ARHGEF12: variants seen among roughly 807,000 people sequenced by gnomAD.
ARHGEF12 encodes KMT2A/ARHGEF12 fusion protein.
In ARHGEF12, 66 loss-of-function variants were observed where a neutral mutation model predicts 211.2. The ratio of observed to expected loss-of-function variants is 0.31; its 90% CI spans 0.26 to 0.38. The LOEUF (loss-of-function observed/expected upper bound fraction) is 0.38, where lower values mean the gene tolerates loss of function less well. Ranked by LOEUF, ARHGEF12 falls within the 10% of genes least tolerant of loss-of-function variation. The probability of loss-of-function intolerance (pLI) is 1.00; values close to 1 mark genes in which losing one functional copy is unlikely to be tolerated. For synonymous variants in ARHGEF12, 592 were observed against 638.4 expected (o/e 0.93, Z 1.09); for missense variants, 1,429 against 1,869.5 (o/e 0.76, Z 4.34).
At position 120,446,237 on chromosome 11, in the gene ARHGEF12, T is replaced by TAATAATAATAATAATAATAAA. The variant is rs1435691305; in HGVS notation, c.1346-165_1346-164insATAATAATAATAATAATAAAA. 8.4e-5 allele frequency among the ~76,000 whole-genome samples: 12 copies of TAATAATAATAATAATAATAAA among 142,596 alleles called. No homozygotes were observed. In the South Asian group the frequency reaches 1.6e-3, roughly 19 times the overall value. 93.5% of individuals were successfully genotyped at this position (142,596 alleles called of 152,430 possible). ...ATAATAATAATAATAATAATAATAA[T>TAATAATAATAATAATAATAAA]AGAGTAAATGAAATCAGAATTCTGG... On this transcript the variant is annotated intron_variant, in intron 16 of 40. Transcript: ENST00000397843.
At chr11:120,354,629 TTTTC>T (rs754408594) in intron 1 of ARHGEF12, among the ~76,000 whole-genome samples, 5 of 152,202 alleles carry the variant, frequency 3.3e-5, no homozygotes, top group Non-Finnish European at 5.9e-5. Context: ...TTGTAAATTG[TTTTC>T]TTTCTTTGTT....
At chr11:120,473,823 C>T (rs569289175) in intron 31 of ARHGEF12, among the ~76,000 whole-genome samples, 131 of 152,274 alleles carry the variant, frequency 8.6e-4, no homozygotes, top group African/African-American at 2.9e-3. Flanking sequence ...ATTACAGGAA[C>T]GATAGTAAAA....
chr11:120,373,705 G>GT (rs1033589730), intron 1 of ARHGEF12, among the ~76,000 whole-genome samples: 3 of 151,434 alleles, frequency 2.0e-5, no homozygotes, highest in Non-Finnish European at 4.4e-5. Context: ...CCCCTTCTAT[G>GT]TTTTTTTCCC....
chr11:120,351,439 ATATATATATATATATATTTTT>A (rs1162427229), intron 1 of ARHGEF12, among the ~76,000 whole-genome samples: 5 of 4,122 alleles, frequency 1.2e-3, no homozygotes, highest in African/African-American at 1.8e-3. Flanking sequence ...ATATATATAT[ATATATATATATATATATTTTT>A]TTTTTTTTTT....
chr11:120,477,518 A>T lies in ARHGEF12; in HGVS notation c.3524A>T (p.Gln1175Leu), dbSNP rs549863916. Reference protein sequence around the residue: ...EQHGISVTGLQSPDRDLGLES... With the variant: ...EQHGISVTGLLSPDRDLGLES... ...CATGGCATTTCAGTCACTGGTTTGC[A>T]GAGTCCAGGTACACTCTTCTGAAGA... Residue 1175 changes from glutamine to leucine, a missense_variant, in exon 36 of 41, where the codon CAG becomes CTG. Transcript: ENST00000397843. 19 of 1,612,046 alleles carry T rather than the reference A, an allele frequency of 1.2e-5. No individual in the cohort carries two copies. The East Asian group carries it at 3.3e-4, about 28-fold the overall frequency.
chr11:120,375,565 T>A (rs557803906), intron 1 of ARHGEF12, among the ~76,000 whole-genome samples: 16 of 151,034 alleles, frequency 1.1e-4, no homozygotes, highest in East Asian at 3.9e-4. Context: ...TTTTTTTTTT[T>A]AAATAAAAAG....
At chr11:120,474,979 A>G (rs567660049) in intron 32 of ARHGEF12, among the ~76,000 whole-genome samples, 8 of 152,178 alleles carry the variant, frequency 5.3e-5, no homozygotes, top group Admixed American at 3.3e-4. Context: ...AGGTCTTTCT[A>G]TGTTGCCCAG....
Position 120,451,797 on chromosome 11 carries a change from G to A in ARHGEF12, c.2056+73G>A, listed in dbSNP as rs1168487548. The A allele has an allele frequency of 2.2e-6, 3 of 1,381,612 alleles. No individual in the cohort carries two copies. The African/African-American group carries it at 4.3e-5, about 20-fold the overall frequency. 85.6% of individuals were successfully genotyped at this position (1,381,612 alleles called of 1,614,324 possible). On this transcript the variant is annotated intron_variant, in intron 22 of 40. Transcript: ENST00000397843. ...ACAAACACACTAACTGAAAAATAGAGTGGCAAGTTAATCAAGACTAAATCC... is the reference window on the plus strand; with the variant it reads ...ACAAACACACTAACTGAAAAATAGAATGGCAAGTTAATCAAGACTAAATCC...
At chr11:120,425,760 T>TA (rs35751948) in intron 7 of ARHGEF12, among the ~76,000 whole-genome samples, 1,584 of 137,120 alleles carry the variant, frequency 0.012, 20 homozygotes, top group African/African-American at 0.032. Context: ...TTGTATCTCT[T>TA]AAAAAAAAAA....
intron 18 of ARHGEF12, 109 bp downstream of exon 18, chr11:120,447,194 C>T: frequency 1.6e-6 from 2 of 1,250,602 alleles, no homozygotes; most frequent in Non-Finnish European, 2.1e-6. Context: ...GTATGTGGAG[C>T]CGTTTATTTT....
Position 120,412,890 on chromosome 11 carries a change from G to A in ARHGEF12, c.199+3440G>A, listed in dbSNP as rs1944928842. Among the ~76,000 whole-genome samples, 3 of 152,238 alleles carry A rather than the reference G, an allele frequency of 2.0e-5. 1 individual carries two copies. The South Asian group carries it at 6.2e-4, about 32-fold the overall frequency. On this transcript the variant is annotated intron_variant, in intron 4 of 40. Coordinates refer to ENST00000397843, the MANE Select transcript of ARHGEF12 (RefSeq NM_015313.3). The stretch of plus-strand genomic sequence containing the variant: ...GGTCAGCTATTTGCCAGGTCCCCTT[G>A]ATTCTACCATCACAATATTTTTCAT...
chr11:120,457,857 C>T, intron 24 of ARHGEF12, 101 bp downstream of exon 24: 1 of 1,303,900 alleles, frequency 7.7e-7, no homozygotes, highest in African/African-American at 1.5e-5. Context: ...CCCTGTATAC[C>T]AATCTGTTAT....
At chr11:120,475,795 T>A (rs1201544483) in intron 33 of ARHGEF12, among the ~76,000 whole-genome samples, 2 of 152,198 alleles carry the variant, frequency 1.3e-5, no homozygotes, top group African/African-American at 4.8e-5. Context: ...GCCTTTCATT[T>A]AGGGTGGTAT....
chr11:120,440,320 T>A, intron 13 of ARHGEF12, 99 bp downstream of exon 13: 1 of 1,028,368 alleles, frequency 9.7e-7, no homozygotes, highest in Non-Finnish European at 1.5e-6. Flanking sequence ...ATAACATTTG[T>A]AAGGATTTGA....
intron 1 of ARHGEF12, among the ~76,000 whole-genome samples, chr11:120,390,514 T>C (rs1944179270): frequency 6.6e-6 from 1 of 152,218 alleles, no homozygotes; most frequent in Admixed American, 6.5e-5. Flanking sequence ...CACATAGATA[T>C]TAACTGAATT....
In ARHGEF12 at chr11:120,410,547, C is replaced by T. The variant is rs565949517; in HGVS notation, c.199+1097C>T. 2.0e-5 allele frequency: 3 copies of T among 152,124 alleles called. No homozygotes were observed. The South Asian group carries it at 6.2e-4, about 32-fold the overall frequency. 9.4% of individuals were successfully genotyped at this position (152,124 alleles called of 1,614,324 possible). A position where few individuals can be genotyped will look rare whatever the true frequency, so the allele number is the denominator to read the frequency against. On this transcript the variant is annotated intron_variant, in intron 4 of 40. Transcript: ENST00000397843. ...GAGAGGAAAAAATACAGGAATTGCC[C>T]TCCCCTTTTTAAGACATTTGATAAT... is the stretch of plus-strand genomic sequence containing the variant.
At chr11:120,451,419 C>T (rs1374804492) in intron 21 of ARHGEF12, 93 bp from the exon 22 acceptor site, 6 of 1,147,574 alleles carry the variant, frequency 5.2e-6, no homozygotes, top group Non-Finnish European at 7.6e-6. Context: ...CCTCATGATT[C>T]GCCCACCTTG....
At chr11:120,383,270 G>C (rs1040290283) in intron 1 of ARHGEF12, among the ~76,000 whole-genome samples, 4 of 152,052 alleles carry the variant, frequency 2.6e-5, no homozygotes, top group African/African-American at 9.7e-5. Flanking sequence ...CTAGAGCAGT[G>C]GTCCCCAACT....
chr11:120,371,347 G>A (rs1040879859), intron 1 of ARHGEF12, among the ~76,000 whole-genome samples: 11 of 152,180 alleles, frequency 7.2e-5, no homozygotes, highest in African/African-American at 2.7e-4. Flanking sequence ...AATTAGCTGG[G>A]TGTGCTGGCG....
Sources: gnomAD v4.1 joint callset for allele counts (sites outside exome capture counted in the v4.1 genomes callset) on GRCh38, gnomAD v4.1.1 for gene constraint, MANE v1.5 for transcripts, NCBI Gene and HGNC (gene_info 2026-07-23, HGNC 2026-07-21) for gene names.